The following FGF12 variants were observed in gnomAD, a reference collection of about 807,000 sequenced individuals.
The protein encoded by FGF12 is fibroblast growth factor 12B.
Under a neutral mutation model 23.6 loss-of-function variants are expected in FGF12, and 14 were observed. That is an observed-to-expected ratio of 0.59 (90% CI 0.39 to 0.93). FGF12 has a LOEUF of 0.93. FGF12 is among the 40% of genes least tolerant of loss of function. The pLI, the probability that FGF12 is intolerant of heterozygous loss-of-function variation, is 0.00. For missense variants in FGF12, 175 were observed against 217.8 expected (o/e 0.80, Z 1.24); for synonymous variants, 62 against 77.3 (o/e 0.80, Z 1.04).
intron 5 of FGF12, among the ~76,000 whole-genome samples, chr3:192,158,401 C>CT (rs752815318): frequency 9.6e-5 from 4 of 41,500 alleles, no homozygotes; most frequent in Admixed American, 3.2e-4. Flanking sequence ...CTCTCTCTTT[C>CT]TTTTTCTTTC....
At chr3:192,611,655 T>C (rs1356472700) in intron 2 of FGF12, among the ~76,000 whole-genome samples, 1 of 151,974 alleles carries the variant, frequency 6.6e-6, no homozygotes, top group Non-Finnish European at 1.5e-5. Context: ...ACAGAGGAAT[T>C]CTTAAGTACT....
At chr3:192,523,747 T>C (rs370727789) in intron 2 of FGF12, among the ~76,000 whole-genome samples, 85 of 152,326 alleles carry the variant, frequency 5.6e-4, no homozygotes, top group African/African-American at 1.8e-3. Flanking sequence ...CTGCCCTCAG[T>C]GGACTCACTA....
intron 2 of FGF12, among the ~76,000 whole-genome samples, chr3:192,397,586 T>C (rs1378065990): frequency 1.3e-5 from 2 of 152,222 alleles, no homozygotes; most frequent in Non-Finnish European, 1.5e-5. Context: ...TGGGTTTCCA[T>C]AGAATTTGAG....
chr3:192,243,275 C>T (rs945741688), intron 4 of FGF12, among the ~76,000 whole-genome samples: 19 of 151,718 alleles, frequency 1.3e-4, no homozygotes, highest in African/African-American at 3.1e-4. Context: ...ATCATGAAAA[C>T]GAAGAGCAAT....
chr3:192,371,025 G>A (rs781022150), intron 2 of FGF12, among the ~76,000 whole-genome samples: 1 of 152,204 alleles, frequency 6.6e-6, no homozygotes, highest in Non-Finnish European at 1.5e-5. Context: ...AGGGGAGTTT[G>A]ACACTGGTCA....
chr3:192,638,430 A>T (rs911519471), intron 2 of FGF12, among the ~76,000 whole-genome samples: 5 of 152,214 alleles, frequency 3.3e-5, no homozygotes, highest in African/African-American at 9.6e-5. Flanking sequence ...TAAGAGAAGG[A>T]GGCAGTATCT....
intron 3 of FGF12, among the ~76,000 whole-genome samples, chr3:192,355,192 A>G (rs773058523): frequency 7.9e-5 from 12 of 152,222 alleles, no homozygotes; most frequent in Non-Finnish European, 1.6e-4. Context: ...TATATGAAAA[A>G]TGACTTATAT....
At chr3:192,155,529 G>C (rs1181802086) in intron 5 of FGF12, among the ~76,000 whole-genome samples, 2 of 152,070 alleles carry the variant, frequency 1.3e-5, no homozygotes, top group Admixed American at 6.6e-5. Flanking sequence ...TTTTGTTTTG[G>C]GGGGGAGCTT....
At chr3:192,357,595 T>G (rs1232254164) in intron 3 of FGF12, among the ~76,000 whole-genome samples, 1 of 152,116 alleles carries the variant, frequency 6.6e-6, no homozygotes, top group African/African-American at 2.4e-5. Context: ...CAAACAACTT[T>G]TCTACATATT....
intron 2 of FGF12, among the ~76,000 whole-genome samples, chr3:192,709,964 A>G (rs1333014505): frequency 6.6e-6 from 1 of 152,202 alleles, no homozygotes; most frequent in Non-Finnish European, 1.5e-5. Flanking sequence ...TATGTGTCCA[A>G]TGTATGCTTG....
At position 192,428,738 on chromosome 3, in the gene FGF12, C is replaced by T. The variant is rs560434906; in HGVS notation, c.14-68200G>A. ...AAAACCTGTATATTTTACAAACTAA[C>T]AGAAAGAAGGAGGGATTTTATGAAT... On this transcript the variant is annotated intron_variant, in intron 2 of 5. Transcript: ENST00000445105. Among the ~76,000 whole-genome samples the T allele has an allele frequency of 2.6e-5, 4 of 152,210 alleles. No individual in the cohort carries two copies. In the East Asian group the frequency reaches 7.7e-4, roughly 29 times the overall value.
chr3:192,555,237 AC>A (rs1463779854), intron 2 of FGF12, among the ~76,000 whole-genome samples: 2 of 152,210 alleles, frequency 1.3e-5, no homozygotes, highest in African/African-American at 4.8e-5. Context: ...ATAACAAGCC[AC>A]ATTGTAATCA....
chr3:192,269,524 T>C (rs757239078), intron 4 of FGF12, among the ~76,000 whole-genome samples: 5 of 152,160 alleles, frequency 3.3e-5, no homozygotes, highest in Non-Finnish European at 7.3e-5. Flanking sequence ...TTAGGGACCA[T>C]AATAGTACTA....
At chr3:192,447,194 A>C (rs2108799700) in intron 2 of FGF12, among the ~76,000 whole-genome samples, 1 of 152,318 alleles carries the variant, frequency 6.6e-6, no homozygotes, top group Non-Finnish European at 1.5e-5. Context: ...TTGGCTGATA[A>C]CCGATGCTTG....
chr3:192,329,093 G>C (rs564629795), intron 4 of FGF12, among the ~76,000 whole-genome samples: 1 of 152,148 alleles, frequency 6.6e-6, no homozygotes, highest in Non-Finnish European at 1.5e-5. Flanking sequence ...CTTTACCAGG[G>C]AATGTGTTTA....
intron 2 of FGF12, among the ~76,000 whole-genome samples, chr3:192,385,875 C>A (rs1402031978): frequency 6.6e-6 from 1 of 152,116 alleles, no homozygotes; most frequent in Non-Finnish European, 1.5e-5. Flanking sequence ...GGTAAACATG[C>A]CCCCTTATTC....
At chr3:192,469,171 C>T (rs773426001) in intron 2 of FGF12, among the ~76,000 whole-genome samples, 5 of 152,104 alleles carry the variant, frequency 3.3e-5, no homozygotes, top group East Asian at 1.9e-4. Context: ...CCTTCCCCAG[C>T]GCTGCAATCT....
intron 3 of FGF12, among the ~76,000 whole-genome samples, chr3:192,345,792 T>C (rs1161008352): frequency 6.6e-6 from 1 of 152,086 alleles, no homozygotes; most frequent in Non-Finnish European, 1.5e-5. Context: ...TGTGAAAACC[T>C]TACAAGGAAT....
Position 192,227,443 on chromosome 3 carries a change from C to T in FGF12, c.229-56787G>A, listed in dbSNP as rs73064522. Among the ~76,000 whole-genome samples, 807 of 151,846 alleles carry T rather than the reference C, an allele frequency of 5.3e-3. 9 individuals carry two copies. Among genetic ancestry groups the T allele is most frequent in the African/African-American group, 0.018 (750 of 41,414 alleles). On this transcript the variant is annotated intron_variant, in intron 4 of 5. Transcript: ENST00000445105. ...AGTAGACCATTAAGCAGTCAATATC[C>T]GAAATGTACCCTAAATGCTTCCTCA... is the stretch of plus-strand genomic sequence containing the variant.
Sources: gnomAD v4.1 joint callset for allele counts (sites outside exome capture counted in the v4.1 genomes callset) on GRCh38, gnomAD v4.1.1 for gene constraint, MANE v1.5 for transcripts, NCBI Gene and HGNC (gene_info 2026-07-23, HGNC 2026-07-21) for gene names.